MPP7: variants seen among roughly 807,000 people sequenced by gnomAD.
MPP7 encodes MAGUK p55 scaffold protein 7.
Under a neutral mutation model 76.5 loss-of-function variants are expected in MPP7, and 60 were observed. The ratio of observed to expected loss-of-function variants is 0.78; its 90% CI spans 0.64 to 0.97. The LOEUF (loss-of-function observed/expected upper bound fraction) is 0.97, where lower values mean the gene tolerates loss of function less well. Among genes scored for constraint, MPP7 ranks in the 50% least tolerant of loss-of-function variants. The pLI is 0.00. For synonymous variants in MPP7, 237 were observed against 244.5 expected, an observed-to-expected ratio of 0.97 and a Z score of 0.29; for missense variants, 641 against 694.0, an observed-to-expected ratio of 0.92 and a Z score of 0.86.
chr10:28,069,686 A>G (rs568692361), intron 13 of MPP7, 86 bp downstream of exon 13: 46 of 1,122,072 alleles, frequency 4.1e-5, no homozygotes, highest in Non-Finnish European at 5.4e-5. Flanking sequence ...TTTAAAAACA[A>G]GTTAAAAATT....
intron 12 of MPP7, among the ~76,000 whole-genome samples, chr10:28,085,342 G>T (rs1465564488): frequency 1.3e-5 from 2 of 152,116 alleles, no homozygotes; most frequent in Non-Finnish European, 1.5e-5. Flanking sequence ...AGGACTGAAG[G>T]AATACACTCA....
intron 2 of MPP7, among the ~76,000 whole-genome samples, chr10:28,225,032 C>T (rs762022683): frequency 5.8e-4 from 88 of 152,076 alleles, no homozygotes; most frequent in Non-Finnish European, 9.0e-4. Flanking sequence ...CAAATAAACA[C>T]AAACTAGTGC....
In MPP7 at chr10:28,120,104, C is replaced by T; in HGVS notation, c.887+90G>A. On this transcript the variant is annotated intron_variant, in intron 10 of 16. Transcript: ENST00000683449. The stretch of plus-strand genomic sequence containing the variant: ...AAAATTCTAAGGCAAGGTTTTATAG[C>T]ATATTTTATCACATCAATGCCAGAA... 3 of 1,340,992 alleles carry T rather than the reference C, an allele frequency of 2.2e-6. No individual in the cohort carries two copies. The South Asian group carries it at 4.4e-5, about 20-fold the overall frequency. The allele number at this position is 1,340,992 out of a possible 1,614,324, so 83.1% of individuals were successfully genotyped here.
chr10:28,268,605 A>AC (rs1255064016), intron 1 of MPP7, among the ~76,000 whole-genome samples: 2 of 151,928 alleles, frequency 1.3e-5, no homozygotes, highest in Admixed American at 1.3e-4. Flanking sequence ...GGTGGTGCAC[A>AC]CCTGTAATCC....
chr10:28,222,151 C>G (rs996993619), intron 2 of MPP7, among the ~76,000 whole-genome samples: 1 of 151,846 alleles, frequency 6.6e-6, no homozygotes, highest in African/African-American at 2.4e-5. Flanking sequence ...GTCACTCAAG[C>G]CATCACAAAC....
intron 12 of MPP7, among the ~76,000 whole-genome samples, chr10:28,085,688 T>C (rs1158542063): frequency 1.3e-5 from 2 of 152,196 alleles, no homozygotes; most frequent in African/African-American, 4.8e-5. Context: ...ATCTCCAGTT[T>C]AGGACTATGT....
intron 3 of MPP7, among the ~76,000 whole-genome samples, chr10:28,162,080 A>G (rs1353023789): frequency 6.6e-6 from 1 of 152,228 alleles, no homozygotes; most frequent in African/African-American, 2.4e-5. Context: ...GATCAGCTAT[A>G]ACAAAGCACT....
intron 1 of MPP7, among the ~76,000 whole-genome samples, chr10:28,264,007 C>T (rs1347050681): frequency 6.6e-6 from 1 of 152,136 alleles, no homozygotes; most frequent in African/African-American, 2.4e-5. Flanking sequence ...ATAAAAAGCC[C>T]CATTCTAGGC....
intron 6 of MPP7, among the ~76,000 whole-genome samples, chr10:28,125,318 T>C (rs1739501474): frequency 6.6e-6 from 1 of 152,208 alleles, no homozygotes; most frequent in Admixed American, 6.5e-5. Context: ...TTCAGCCCAA[T>C]TTAAGGATTT....
intron 1 of MPP7, among the ~76,000 whole-genome samples, chr10:28,291,377 G>A (rs1390578511): frequency 6.6e-5 from 10 of 152,160 alleles, no homozygotes; most frequent in East Asian, 1.9e-4. Context: ...AGGCTGAGGC[G>A]GGTGGATCAC....
rs1851393763 is a variant in MPP7 at position 28,052,414 on chromosome 10, T to A, written c.*1651A>T. 1 of 152,424 alleles carries A rather than the reference T, an allele frequency of 6.6e-6. No homozygotes were observed. Among genetic ancestry groups the A allele is most frequent in the Non-Finnish European group, 1.5e-5 (1 of 68,042 alleles). The allele number at this position is 152,424 out of a possible 1,614,324, so 9.4% of individuals were successfully genotyped here. A position where few individuals can be genotyped will look rare whatever the true frequency, so the allele number is the denominator to read the frequency against. ...CGTTGTTATATAATACTTAGTCTGATTATCTATTTTGGTGTGACTATGTGT... is the reference window on the plus strand; with the variant it reads ...CGTTGTTATATAATACTTAGTCTGAATATCTATTTTGGTGTGACTATGTGT... On this transcript the variant is annotated 3_prime_UTR_variant, in exon 17 of 17. Transcript: ENST00000683449.
At chr10:28,119,116 G>C (rs550203601) in intron 11 of MPP7, 2 of 942,968 alleles carry the variant, frequency 2.1e-6, no homozygotes, top group African/African-American at 1.8e-5. Context: ...GTAGTCATAC[G>C]GTAGCCATCC....
intron 1 of MPP7, among the ~76,000 whole-genome samples, chr10:28,254,047 T>C (rs1054350261): frequency 1.4e-5 from 2 of 143,378 alleles, no homozygotes; most frequent in African/African-American, 2.5e-5. Context: ...ACTTTTGCTA[T>C]ATCCATTCTT....
At chr10:28,274,634 C>G (rs1410958085) in intron 1 of MPP7, among the ~76,000 whole-genome samples, 1 of 152,202 alleles carries the variant, frequency 6.6e-6, no homozygotes, top group African/African-American at 2.4e-5. Context: ...TATCCATCCA[C>G]CCAGTGTTTA....
intron 1 of MPP7, among the ~76,000 whole-genome samples, chr10:28,294,165 G>T (rs565309251): frequency 6.6e-6 from 1 of 152,116 alleles, no homozygotes; most frequent in East Asian, 1.9e-4. Flanking sequence ...AAAATTAGCC[G>T]GGTGCCTGTA....
At chr10:28,059,026 A>G (rs531017830) in intron 14 of MPP7, among the ~76,000 whole-genome samples, 8 of 152,344 alleles carry the variant, frequency 5.3e-5, no homozygotes, top group African/African-American at 1.4e-4. Flanking sequence ...GCAGTCGATC[A>G]TGTGCTATAA....
chr10:28,141,568 C>A (rs1835519148), intron 5 of MPP7, among the ~76,000 whole-genome samples: 1 of 151,872 alleles, frequency 6.6e-6, no homozygotes, highest in South Asian at 2.1e-4. Flanking sequence ...AAATAGTATA[C>A]CATGGGGGAA....
chr10:28,205,217 C>T (rs769105612), intron 2 of MPP7, among the ~76,000 whole-genome samples: 6 of 152,168 alleles, frequency 3.9e-5, no homozygotes, highest in East Asian at 1.9e-4. Context: ...GAGCCGTGTG[C>T]AGTCTCCATG....
At chr10:28,100,438 C>T (rs1470301696) in intron 11 of MPP7, among the ~76,000 whole-genome samples, 2 of 152,014 alleles carry the variant, frequency 1.3e-5, no homozygotes, top group African/African-American at 4.8e-5. Flanking sequence ...AGAAGAAATG[C>T]TAAATCTAGA....
Sources: allele counts gnomAD v4.1 joint callset (sites outside exome capture counted in the v4.1 genomes callset), GRCh38; gene constraint gnomAD v4.1.1; transcripts MANE v1.5; gene names NCBI Gene and HGNC (gene_info 2026-07-23, HGNC 2026-07-21).